Variants in EDC3 observed in about 807,000 individuals in gnomAD.
The protein encoded by EDC3 is enhancer of mRNA decapping 3.
EDC3 carries 20 observed loss-of-function variants against 41.8 expected under a neutral mutation model. The ratio of observed to expected loss-of-function variants is 0.48; its 90% CI spans 0.34 to 0.70. The LOEUF (loss-of-function observed/expected upper bound fraction) is 0.70. Ranked by LOEUF, EDC3 falls within the 30% of genes least tolerant of loss-of-function variation. The pLI, the probability that EDC3 is intolerant of heterozygous loss-of-function variation, is 0.01. For synonymous variants in EDC3, 206 were observed against 243.2 expected (o/e 0.85, Z 1.42); for missense variants, 444 against 636.8 (o/e 0.70, Z 3.26).
At chr15:74,666,278 A>G (rs1041604490) in intron 3 of EDC3, among the ~76,000 whole-genome samples, 1 of 152,234 alleles carries the variant, frequency 6.6e-6, no homozygotes, top group Admixed American at 6.5e-5. Context: ...TTCCCAGGCC[A>G]CAAACATTTT....
At chr15:74,642,419 CAACAGCTGATTAA>C (rs1254424366) in intron 4 of EDC3, 1 of 152,204 alleles carries the variant, frequency 6.6e-6, no homozygotes, top group African/African-American at 2.4e-5. Context: ...CCTTGCATGT[CAACAGCTGATTAA>C]AACAGCCATT....
intron 6 of EDC3, 126 bp downstream of exon 6, chr15:74,635,283 T>G (rs181489017): frequency 1.2e-6 from 1 of 855,596 alleles, no homozygotes; most frequent in Admixed American, 1.9e-5. Context: ...TAAGACTCCT[T>G]AGAGGCGAAG....
intron 3 of EDC3, among the ~76,000 whole-genome samples, chr15:74,660,878 T>C (rs562229426): frequency 4.6e-5 from 7 of 152,346 alleles, no homozygotes; most frequent in South Asian, 2.1e-4. Flanking sequence ...TGCCAGCCAA[T>C]TGCTGCCCAT....
rs994716767 is a variant in EDC3 at position 74,694,468 on chromosome 15, G to T, written c.-19+1412C>A. Among the ~76,000 whole-genome samples the T allele has an allele frequency of 3.9e-5, 6 of 152,174 alleles. No homozygotes were observed. In the East Asian group the frequency reaches 1.2e-3, roughly 29 times the overall value. On this transcript the variant is annotated intron_variant, in intron 1 of 6. Coordinates refer to ENST00000315127, the MANE Select transcript of EDC3 (RefSeq NM_025083.5). Reference sequence around the variant, plus strand: ...GATTATAGGCACCCACCACCACCCAGCTAAGTTTTGTATTTTTAGTACATA... The same window carrying T: ...GATTATAGGCACCCACCACCACCCATCTAAGTTTTGTATTTTTAGTACATA...
chr15:74,640,545 G>A lies in EDC3; in HGVS notation c.895C>T (p.Leu299=). ...ATCTCCAGTCTCCGCTCAAGGGTCA[G>A]CCCATGCTTCTCAGCCACGGACAAC... is the stretch of plus-strand genomic sequence containing the variant. ...KLLSVAEKHG[L]TLERRLEMTG... Residue 299 remains leucine (L), a synonymous_variant, in exon 5 of 7, where the codon CTG becomes TTG. Coordinates refer to ENST00000315127, the MANE Select transcript of EDC3 (RefSeq NM_025083.5). The A allele has an allele frequency of 6.2e-7, 1 of 1,614,198 alleles. No homozygotes were observed. The highest frequency in any genetic ancestry group is 8.5e-7 in the Non-Finnish European group (1 of 1,180,034).
chr15:74,649,203 T>C (rs1290548724), intron 4 of EDC3, among the ~76,000 whole-genome samples: 1 of 151,810 alleles, frequency 6.6e-6, no homozygotes, highest in East Asian at 1.9e-4. Flanking sequence ...TAGCTGGGAC[T>C]ACAGGCACCT....
In EDC3 at chr15:74,688,826, G is replaced by T. The variant is rs2062967367; in HGVS notation, c.-19+7054C>A. On this transcript the variant is annotated intron_variant, in intron 1 of 6. Transcript: ENST00000315127. The stretch of plus-strand genomic sequence containing the variant: ...GGAGGCTGAGGCACAAGAATCGCTT[G>T]AACTGGGGAGGCGGAGGTTGCAGTG... Among the ~76,000 whole-genome samples the T allele has an allele frequency of 2.0e-5, 3 of 151,440 alleles. No homozygotes were observed. The South Asian group carries it at 6.2e-4, about 31-fold the overall frequency.
chr15:74,665,032 G>T (rs1377512693), intron 3 of EDC3, among the ~76,000 whole-genome samples: 1 of 151,682 alleles, frequency 6.6e-6, no homozygotes, highest in Non-Finnish European at 1.5e-5. Flanking sequence ...TATCTACTTT[G>T]TTTGTTTTGA....
intron 3 of EDC3, among the ~76,000 whole-genome samples, chr15:74,669,987 G>T (rs1313231316): frequency 1.3e-5 from 2 of 150,328 alleles, no homozygotes; most frequent in African/African-American, 4.9e-5. Context: ...GGGACCACAG[G>T]TGCACGCTGC....
At chr15:74,695,361 C>G (rs2063053077) in intron 1 of EDC3, 1 of 152,244 alleles carries the variant, frequency 6.6e-6, no homozygotes. Context: ...AAAAGAACCA[C>G]AGACTTGCAT....
chr15:74,665,579 T>C (rs560007131), intron 3 of EDC3, among the ~76,000 whole-genome samples: 1 of 152,286 alleles, frequency 6.6e-6, no homozygotes, highest in South Asian at 2.1e-4. Flanking sequence ...TGATGTTATG[T>C]CTATTTGACA....
At chr15:74,658,623 T>C (rs185757947) in intron 3 of EDC3, among the ~76,000 whole-genome samples, 64 of 86,260 alleles carry the variant, frequency 7.4e-4, no homozygotes, top group African/African-American at 3.3e-3. Context: ...TTTACGTCTC[T>C]GAAAAAAAAA....
At chr15:74,634,630 G>C (rs2062249468) in intron 6 of EDC3, among the ~76,000 whole-genome samples, 1 of 151,968 alleles carries the variant, frequency 6.6e-6, no homozygotes, top group South Asian at 2.1e-4. Context: ...AAAAACTTTG[G>C]AGCCATTGCC....
At position 74,671,806 on chromosome 15, in the gene EDC3, T is replaced by C. The variant is rs1454181116; in HGVS notation, c.165-32A>G. On this transcript the variant is annotated intron_variant, in intron 2 of 6. Transcript: ENST00000315127. This position sits in a 1 kb window ranked among gnomAD's most constrained non-coding sequence, Gnocchi z 4.6. ...TACACAAAAAAGCCAAGTCTCAAAA[T>C]TATAATAGTGGTAAGAATGATGAAA... The C allele has an allele frequency of 6.3e-7, 1 of 1,595,462 alleles. No homozygotes were observed. Among genetic ancestry groups the C allele is most frequent in the African/African-American group, 1.3e-5 (1 of 74,304 alleles).
At chr15:74,681,908 C>A (rs2062874498) in intron 1 of EDC3, among the ~76,000 whole-genome samples, 1 of 152,154 alleles carries the variant, frequency 6.6e-6, no homozygotes, top group Non-Finnish European at 1.5e-5. Flanking sequence ...AACTAGACTT[C>A]TTGAAAATTA....
chr15:74,635,914 T>A (rs762808035), intron 5 of EDC3: 7 of 454,954 alleles, frequency 1.5e-5, no homozygotes, highest in Non-Finnish European at 2.0e-5. Flanking sequence ...TGCTGACCCA[T>A]GAACACTTAA....
chr15:74,646,547 G>A (rs566701419), intron 4 of EDC3, among the ~76,000 whole-genome samples: 37 of 152,324 alleles, frequency 2.4e-4, no homozygotes, highest in African/African-American at 8.4e-4. Flanking sequence ...TTGAAAGACA[G>A]GCAGGACTGT....
Position 74,671,720 on chromosome 15 carries a change from G to A in EDC3, c.219C>T (p.Asn73=). The A allele has an allele frequency of 6.2e-7, 1 of 1,614,108 alleles. No homozygotes were observed. The highest frequency in any genetic ancestry group is 8.5e-7 in the Non-Finnish European group (1 of 1,180,014). Residue 73 remains asparagine (N), a synonymous_variant, in exon 3 of 7, where the codon AAC becomes AAT. Coordinates refer to ENST00000315127, the MANE Select transcript of EDC3 (RefSeq NM_025083.5). The surrounding 1 kb of genome is among the most constrained non-coding windows in gnomAD (Gnocchi z 4.6). The part of the protein sequence containing the change: ...KILEIPGPGD[N]QHFGDLHQTE... ...TTTGATGAAGGTCTCCAAAATGTTG[G>A]TTGTCTCCAGGTCCTGGTATCTCCA...
intron 2 of EDC3, 146 bp downstream of exon 2, chr15:74,674,815 G>C (rs2062783522): frequency 2.1e-6 from 2 of 935,500 alleles, no homozygotes; most frequent in East Asian, 2.5e-5. Context: ...AGTAGTTCGA[G>C]ACCAGCCTGG....
Sources: allele counts gnomAD v4.1 joint callset (sites outside exome capture counted in the v4.1 genomes callset), GRCh38; gene constraint gnomAD v4.1.1; non-coding constraint Gnocchi (gnomAD v3.1); transcripts MANE v1.5; gene names NCBI Gene and HGNC (gene_info 2026-07-23, HGNC 2026-07-21).